ZNF839: variants seen among roughly 807,000 people sequenced by gnomAD.
ZNF839 encodes renal carcinoma antigen NY-REN-50.
Under a neutral mutation model 56.4 loss-of-function variants are expected in ZNF839, and 38 were observed. The ratio of observed to expected loss-of-function variants is 0.67; its 90% CI spans 0.52 to 0.88. ZNF839 has a LOEUF of 0.88. Among genes scored for constraint, ZNF839 ranks in the 40% least tolerant of loss-of-function variants. The probability of loss-of-function intolerance (pLI) is 0.00; values close to 1 mark genes in which losing one functional copy is unlikely to be tolerated. For synonymous variants in ZNF839, 486 were observed against 493.5 expected, an observed-to-expected ratio of 0.98 and a Z score of 0.20; for missense variants, 1,091 against 1,177.6, an observed-to-expected ratio of 0.93 and a Z score of 1.08.
rs781780875 is a variant in ZNF839, at chr14:102,326,761, C to T, written c.1065C>T (p.Thr355=). ...TGTCTGAGAAAGCCAGTGGAAGCAC[C>T]CTCCGGGGGTGCACGGAGGAAAGGA... ...MVLSEKASGS[T]LRGCTEERTL... The change falls in exon 2 of 8, where the codon ACC becomes ACT. Residue 355 remains threonine (T), a synonymous_variant. Coordinates refer to ENST00000442396, the MANE Select transcript of ZNF839 (RefSeq NM_018335.6). The surrounding 1 kb of genome is among the most constrained non-coding windows in gnomAD (Gnocchi z 4.3). 4 of 1,613,016 alleles carry T rather than the reference C, an allele frequency of 2.5e-6. No homozygotes were observed. In the South Asian group the frequency reaches 3.3e-5, roughly 13 times the overall value.
At chr14:102,329,184 T>C (rs779507688) in intron 2 of ZNF839, among the ~76,000 whole-genome samples, 4 of 152,024 alleles carry the variant, frequency 2.6e-5, no homozygotes, top group Non-Finnish European at 4.4e-5. Flanking sequence ...TTAGCCAAGA[T>C]GGTCTCGATC....
chr14:102,340,527 C>T (rs1886396740), intron 7 of ZNF839, among the ~76,000 whole-genome samples: 1 of 152,168 alleles, frequency 6.6e-6, no homozygotes, highest in South Asian at 2.1e-4. Flanking sequence ...CCGCCTCAGC[C>T]TCCCATAGTG....
At chr14:102,337,709 T>G (rs547016183) in intron 5 of ZNF839, 1 of 152,268 alleles carries the variant, frequency 6.6e-6, no homozygotes, top group East Asian at 1.9e-4. Context: ...GCTCCGTTTG[T>G]GAGGGGACAC....
At position 102,341,867 on chromosome 14, in the gene ZNF839, G is replaced by C; in HGVS notation, c.2472G>C (p.Gln824His). The C allele has an allele frequency of 6.2e-7, 1 of 1,614,050 alleles. No individual in the cohort carries two copies. Among genetic ancestry groups the C allele is most frequent in the South Asian group, 1.1e-5 (1 of 91,082 alleles). Residue 824 changes from glutamine to histidine, a missense_variant, in exon 8 of 8, where the codon CAG (glutamine) becomes CAC (histidine). Gln to His is a conservative substitution (Grantham distance 24, BLOSUM62 0). Transcript: ENST00000442396. Reference protein sequence around the residue: ...AYRTVPKPGPQPGPHGSLLTE... With the variant: ...AYRTVPKPGPHPGPHGSLLTE... ...GGACTGTGCCCAAGCCAGGGCCTCA[G>C]CCTGGCCCACATGGATCACTATTGA...
At chr14:102,334,013 C>A (rs1421909709) in intron 3 of ZNF839, among the ~76,000 whole-genome samples, 1 of 152,234 alleles carries the variant, frequency 6.6e-6, no homozygotes, top group Non-Finnish European at 1.5e-5. Flanking sequence ...TACCTGAGTC[C>A]TCATCTTTTC....
intron 4 of ZNF839, chr14:102,335,208 G>A (rs2073961669): frequency 1.3e-5 from 2 of 154,816 alleles, no homozygotes; most frequent in Non-Finnish European, 2.9e-5. Flanking sequence ...TTACTCCCTT[G>A]ACTTTTAACT....
At chr14:102,331,932 A>G (rs756455606) in intron 3 of ZNF839, 86 bp downstream of exon 3, 2 of 1,114,406 alleles carry the variant, frequency 1.8e-6, no homozygotes, top group Non-Finnish European at 2.5e-6. Context: ...TCACCTAAGC[A>G]GTTCACCTGA....
intron 1 of ZNF839, among the ~76,000 whole-genome samples, chr14:102,322,352 G>A (rs1763230602): frequency 1.3e-5 from 2 of 152,172 alleles, no homozygotes; most frequent in Non-Finnish European, 1.5e-5. Context: ...AGGGGAAACC[G>A]CCCCCATCTC....
At position 102,341,612 on chromosome 14, in the gene ZNF839, C is replaced by T; in HGVS notation, c.2217C>T (p.Asp739=). The T allele has an allele frequency of 6.2e-7, 1 of 1,613,992 alleles. No homozygotes were observed. Among genetic ancestry groups the T allele is most frequent in the Non-Finnish European group, 8.5e-7 (1 of 1,179,880 alleles). ...ACTCTTCAGACCAGGACACCTGGGA[C>T]AGCCTGAGGAGCCCGGGTTTCTGCA... The part of the protein sequence containing the change: ...LEHSSDQDTW[D]SLRSPGFCSP... Residue 739 remains aspartate (D), a synonymous_variant, in exon 8 of 8, where the codon GAC becomes GAT. Coordinates refer to ENST00000442396, the MANE Select transcript of ZNF839 (RefSeq NM_018335.6).
intron 5 of ZNF839, 64 bp downstream of exon 5, chr14:102,335,902 C>CG: frequency 7.0e-6 from 11 of 1,567,668 alleles, no homozygotes; most frequent in Non-Finnish European, 9.5e-6. Flanking sequence ...AGAAGGGCCA[C>CG]GTGCAGTGGC....
chr14:102,319,084 C>A (rs1323563916), upstream of ZNF839, among the ~76,000 whole-genome samples: 2 of 152,232 alleles, frequency 1.3e-5, no homozygotes, highest in African/African-American at 2.4e-5. This position sits in a 1 kb window ranked among gnomAD's most constrained non-coding sequence, Gnocchi z 4.5. Context: ...GGCAGTGGAG[C>A]TGGATGGATA....
intron 3 of ZNF839, among the ~76,000 whole-genome samples, chr14:102,334,288 C>T (rs1172660747): frequency 6.6e-6 from 1 of 152,256 alleles, no homozygotes; most frequent in African/African-American, 2.4e-5. Context: ...GGGCAGGACA[C>T]ACATCTCCTT....
chr14:102,331,814 A>T lies in ZNF839; in HGVS notation c.1384A>T (p.Arg462Trp). Residue 462 changes from arginine to tryptophan, a missense_variant, in exon 3 of 8, where the codon AGG becomes TGG. Physicochemically the swap from Arg to Trp is moderately radical, Grantham distance 101. This residue lies in a region of ZNF839 where 614 missense variants were observed against 629.2 expected (regional missense o/e 0.98). Transcript: ENST00000442396. ...TGGCCCTGCTGCGGCAGGGGAGCAGAGGGCGTCGCCAAGCAAAGCCAGGCT... is the reference window on the plus strand; with the variant it reads ...TGGCCCTGCTGCGGCAGGGGAGCAGTGGGCGTCGCCAAGCAAAGCCAGGCT... ...PGGPAAAGEQ[R>W]ASPSKARLKE... 6.3e-7 allele frequency: 1 copy of T among 1,583,742 alleles called. No homozygotes were observed. The highest frequency in any genetic ancestry group is 1.3e-5 in the African/African-American group (1 of 74,518).
chr14:102,327,095 C>T (rs1446497208), intron 2 of ZNF839, among the ~76,000 whole-genome samples: 1 of 151,886 alleles, frequency 6.6e-6, no homozygotes, highest in East Asian at 1.9e-4. Flanking sequence ...GGAGCAGGCG[C>T]CTCATATGGC....
intron 2 of ZNF839, among the ~76,000 whole-genome samples, chr14:102,329,507 T>A (rs1322693801): frequency 6.7e-6 from 1 of 149,446 alleles, no homozygotes; most frequent in Non-Finnish European, 1.5e-5. Flanking sequence ...GCCTCAGCCT[T>A]TTTAGTCGCT....
intron 1 of ZNF839, among the ~76,000 whole-genome samples, chr14:102,325,043 T>C (rs1039082326): frequency 1.3e-5 from 2 of 152,136 alleles, no homozygotes; most frequent in Non-Finnish European, 2.9e-5. Flanking sequence ...TTATGACTAG[T>C]ATTTTTTAAA....
At position 102,341,870 on chromosome 14, in the gene ZNF839, T is replaced by C. The variant is rs2139612156; in HGVS notation, c.2475T>C (p.Pro825=). ...YRTVPKPGPQ[P]GPHGSLLTEG... is the part of the protein sequence containing the mutation. ...CTGTGCCCAAGCCAGGGCCTCAGCC[T>C]GGCCCACATGGATCACTATTGACTG... is the stretch of plus-strand genomic sequence containing the variant. The change falls in exon 8 of 8, where the codon CCT becomes CCC. Residue 825 remains proline, a synonymous_variant. Coordinates refer to ENST00000442396, the MANE Select transcript of ZNF839 (RefSeq NM_018335.6). 6.2e-7 allele frequency: 1 copy of C among 1,614,064 alleles called. No homozygotes were observed. Among genetic ancestry groups the C allele is most frequent in the Non-Finnish European group, 8.5e-7 (1 of 1,179,904 alleles).
At chr14:102,327,082 G>A (rs1386900019) in intron 2 of ZNF839, among the ~76,000 whole-genome samples, 195 bp downstream of exon 2, 3 of 152,082 alleles carry the variant, frequency 2.0e-5, no homozygotes, top group Non-Finnish European at 2.9e-5. Context: ...TGAAGGCAGA[G>A]TGGGAGCAGG....
Position 102,331,750 on chromosome 14 carries a change from A to G in ZNF839, c.1320A>G (p.Thr440=), listed in dbSNP as rs568207676. ...ACSETLAESR[T]AVLQQRRAAQ... ...CAGAGACCCTTGCAGAGTCCCGCACAGCTGTCCTCCAGCAGAGAAGAGCTG... is the reference window on the plus strand; with the variant it reads ...CAGAGACCCTTGCAGAGTCCCGCACGGCTGTCCTCCAGCAGAGAAGAGCTG... Residue 440 remains threonine, a synonymous_variant, in exon 3 of 8, where the codon ACA becomes ACG. Transcript: ENST00000442396. The G allele has an allele frequency of 6.9e-6, 11 of 1,604,456 alleles. No homozygotes were observed. In the Admixed American group the frequency reaches 1.7e-4, roughly 25 times the overall value.
Sources: gnomAD v4.1 joint callset for allele counts (sites outside exome capture counted in the v4.1 genomes callset) on GRCh38, gnomAD v4.1.1 for gene constraint, gnomAD v4.1.1 regional missense constraint, Gnocchi (gnomAD v3.1) non-coding constraint, MANE v1.5 for transcripts, NCBI Gene and HGNC (gene_info 2026-07-23, HGNC 2026-07-21) for gene names.